The following OCIAD1 variants were observed in gnomAD, a reference collection of about 807,000 sequenced individuals.
OCIAD1 encodes the protein OCIA domain-containing protein 1.
In OCIAD1, 29 loss-of-function variants were observed where a neutral mutation model predicts 38.9. The observed-to-expected ratio is 0.74, with a 90% CI of 0.55 to 1.02. OCIAD1 has a LOEUF of 1.02. OCIAD1 is among the 50% of genes least tolerant of loss of function. The pLI, the probability that OCIAD1 is intolerant of heterozygous loss-of-function variation, is 0.00. For synonymous variants in OCIAD1, 110 were observed against 92.0 expected (o/e 1.20, Z -1.12); for missense variants, 288 against 289.6 (o/e 0.99, Z 0.04).
At chr4:48,812,448 A>G (rs1486360020) in intron 1 of OCIAD1, among the ~76,000 whole-genome samples, 1 of 151,916 alleles carries the variant, frequency 6.6e-6, no homozygotes, top group Non-Finnish European at 1.5e-5. Context: ...AAAATTTGGA[A>G]ATCAGAAAGA....
At chr4:48,833,729 G>T (rs1247994072) in intron 3 of OCIAD1, among the ~76,000 whole-genome samples, 1 of 152,130 alleles carries the variant, frequency 6.6e-6, no homozygotes, top group Non-Finnish European at 1.5e-5. Flanking sequence ...AGCATTTACT[G>T]TGTGTACATA....
chr4:48,857,923 C>G (rs2883562), intron 8 of OCIAD1, among the ~76,000 whole-genome samples: 85,369 of 151,960 alleles, frequency 0.56, 24,738 homozygotes, highest in African/African-American at 0.71. Flanking sequence ...GGAGACCAAG[C>G]TGGGTGTATC....
Position 48,806,005 on chromosome 4 carries a change from G to A in OCIAD1, c.-103+675G>A, listed in dbSNP as rs554914531. Among the ~76,000 whole-genome samples, 9 of 152,230 alleles carry A rather than the reference G, an allele frequency of 5.9e-5. No individual in the cohort carries two copies. The South Asian group carries it at 1.9e-3, about 32-fold the overall frequency. ...CAGGCCGGGCATGGTGGTGGCTCAC[G>A]CCTGTAATCCCAACACTTTGGGAGG... On this transcript the variant is annotated intron_variant, in intron 1 of 6. Coordinates refer to the OCIAD1 transcript ENST00000504654.
At chr4:48,826,756 T>G (rs1283764825), upstream of OCIAD1, among the ~76,000 whole-genome samples, 2 of 152,210 alleles carry the variant, frequency 1.3e-5, no homozygotes, top group Non-Finnish European at 2.9e-5. Flanking sequence ...CTTCATCCAT[T>G]TTTATTTTTT....
At chr4:48,817,728 C>G (rs1254768105) in intron 1 of OCIAD1, among the ~76,000 whole-genome samples, 1 of 152,174 alleles carries the variant, frequency 6.6e-6, no homozygotes, top group Non-Finnish European at 1.5e-5. Flanking sequence ...TTGGAATAAT[C>G]GAGCTTGGTG....
In OCIAD1 at chr4:48,836,939, A is replaced by G. The variant is rs183027625; in HGVS notation, c.139+3458A>G. ...TAGTCATCATAAAGTAAGGGCTTCT[A>G]TAAAATTTTCATGGCTCATTAGAAT... On this transcript the variant is annotated intron_variant, in intron 3 of 8. Coordinates refer to ENST00000264312, the MANE Select transcript of OCIAD1 (RefSeq NM_017830.4). Among the ~76,000 whole-genome samples, 307 of 152,302 alleles carry G rather than the reference A, an allele frequency of 2.0e-3. 1 individual carries two copies. Among genetic ancestry groups the G allele is most frequent in the African/African-American group, 7.0e-3 (289 of 41,568 alleles).
chr4:48,837,718 T>C (rs1053013936), intron 3 of OCIAD1, among the ~76,000 whole-genome samples: 5 of 151,736 alleles, frequency 3.3e-5, no homozygotes, highest in African/African-American at 9.7e-5. Flanking sequence ...TTTTAAGTCT[T>C]GATGACACAG....
chr4:48,831,360 T>A (rs1420448402), intron 1 of OCIAD1, 111 bp downstream of exon 1: 7 of 518,534 alleles, frequency 1.3e-5, no homozygotes, highest in Non-Finnish European at 2.4e-5. Context: ...CCTGTGAGGG[T>A]GGACAGATCG....
chr4:48,809,552 T>TA (rs1244850635), intron 1 of OCIAD1, among the ~76,000 whole-genome samples: 1 of 151,874 alleles, frequency 6.6e-6, no homozygotes, highest in African/African-American at 2.4e-5. Flanking sequence ...TAAAAATAAA[T>TA]AAAAAAAGTT....
intron 7 of OCIAD1, among the ~76,000 whole-genome samples, chr4:48,855,342 T>C (rs1325653283): frequency 6.6e-6 from 1 of 152,230 alleles, no homozygotes; most frequent in African/African-American, 2.4e-5. Flanking sequence ...TACTTATTAC[T>C]AATGAAATGC....
chr4:48,812,330 A>C (rs1461136085), intron 1 of OCIAD1, among the ~76,000 whole-genome samples: 1 of 150,074 alleles, frequency 6.7e-6, no homozygotes, highest in Non-Finnish European at 1.5e-5. Flanking sequence ...AAGAAAAAGA[A>C]AACTAAATTT....
At chr4:48,825,209 TC>T (rs565402918) in intron 1 of OCIAD1, among the ~76,000 whole-genome samples, 116 of 152,318 alleles carry the variant, frequency 7.6e-4, no homozygotes, top group African/African-American at 2.5e-3. Flanking sequence ...TTGGGGTTAC[TC>T]CCTGGAGCTG....
chr4:48,859,561 CATTTTTG>C (rs1780416278), intron 8 of OCIAD1, among the ~76,000 whole-genome samples: 1 of 152,094 alleles, frequency 6.6e-6, no homozygotes, highest in Admixed American at 6.5e-5. Context: ...TGGATTTTGA[CATTTTTG>C]ATTTTTGACT....
chr4:48,836,449 G>A (rs560495133), intron 3 of OCIAD1, among the ~76,000 whole-genome samples: 1 of 152,282 alleles, frequency 6.6e-6, no homozygotes, highest in East Asian at 1.9e-4. Context: ...TGAGTTCATG[G>A]TGCAACATTC....
intron 2 of OCIAD1, chr4:48,832,894 T>G: frequency 1.8e-6 from 1 of 545,920 alleles, no homozygotes; most frequent in Non-Finnish European, 3.3e-6. Flanking sequence ...CCCAGCACAT[T>G]AGGTAGCCAG....
chr4:48,824,839 G>A (rs1160606455), intron 1 of OCIAD1, among the ~76,000 whole-genome samples: 1 of 151,990 alleles, frequency 6.6e-6, no homozygotes, highest in Admixed American at 6.6e-5. Flanking sequence ...GGGCTGAAGT[G>A]GTCCTCCCAC....
intron 8 of OCIAD1, among the ~76,000 whole-genome samples, chr4:48,858,868 T>C (rs1330056690): frequency 6.6e-6 from 1 of 152,194 alleles, no homozygotes; most frequent in African/African-American, 2.4e-5. Flanking sequence ...AGCTATACAT[T>C]AGCCAAAGTA....
At chr4:48,853,462 G>A (rs1238211961) in intron 7 of OCIAD1, among the ~76,000 whole-genome samples, 3 of 152,076 alleles carry the variant, frequency 2.0e-5, no homozygotes, top group African/African-American at 7.2e-5. Context: ...CTGACCCCAA[G>A]GTTTGGATAA....
chr4:48,820,841 C>T (rs1030062708), intron 1 of OCIAD1, among the ~76,000 whole-genome samples: 1 of 152,124 alleles, frequency 6.6e-6, no homozygotes, highest in Non-Finnish European at 1.5e-5. Flanking sequence ...ACTTTCAAGA[C>T]TAACCCAGGA....
Sources: allele counts gnomAD v4.1 joint callset (sites outside exome capture counted in the v4.1 genomes callset), GRCh38; gene constraint gnomAD v4.1.1; transcripts MANE v1.5; gene names NCBI Gene and HGNC (gene_info 2026-07-23, HGNC 2026-07-21).